PEMT: variants seen among roughly 807,000 people sequenced by gnomAD.
PEMT encodes phospholipid methyltransferase.
PEMT carries 23 observed loss-of-function variants against 27.4 expected under a neutral mutation model. The observed-to-expected ratio is 0.84, with a 90% CI of 0.60 to 1.19. The LOEUF (loss-of-function observed/expected upper bound fraction) is 1.19, where lower values mean the gene tolerates loss of function less well. PEMT is among the 50% of genes most tolerant of loss of function. The pLI, the probability that PEMT is intolerant of heterozygous loss-of-function variation, is 0.00. For synonymous variants in PEMT, 137 were observed against 139.1 expected (o/e 0.98, Z 0.11); for missense variants, 307 against 310.1 (o/e 0.99, Z 0.07).
At chr17:17,588,000 A>G (rs1459307171) in intron 1 of PEMT, among the ~76,000 whole-genome samples, 2 of 152,278 alleles carry the variant, frequency 1.3e-5, no homozygotes, top group Non-Finnish European at 2.9e-5. Context: ...AGGACCAGCC[A>G]GAGATCACCC....
intron 2 of PEMT, among the ~76,000 whole-genome samples, chr17:17,558,720 G>C (rs1000213085): frequency 1.3e-5 from 2 of 149,950 alleles, no homozygotes; most frequent in Non-Finnish European, 3.0e-5. Flanking sequence ...GGGCAGCAGA[G>C]TGGACCGGAG....
At chr17:17,577,968 G>C (rs1241038555) in intron 1 of PEMT, among the ~76,000 whole-genome samples, 3 of 145,178 alleles carry the variant, frequency 2.1e-5, no homozygotes, top group Non-Finnish European at 4.5e-5. Flanking sequence ...AGTGAGCAGA[G>C]ATCGCGCCAC....
At chr17:17,534,922 ATTTTATTTTATTTTTT>A (rs1908352667) in intron 2 of PEMT, among the ~76,000 whole-genome samples, 1 of 146,370 alleles carries the variant, frequency 6.8e-6, no homozygotes, top group South Asian at 2.1e-4. Flanking sequence ...ATTTTATTTT[ATTTTATTTTATTTTTT>A]GAGATGGAGT....
intron 2 of PEMT, among the ~76,000 whole-genome samples, chr17:17,546,073 T>C (rs553639005): frequency 1.3e-5 from 2 of 152,252 alleles, no homozygotes; most frequent in Admixed American, 6.5e-5. Context: ...TCTGTACCCA[T>C]CTTATGTCCT....
At chr17:17,575,747 C>T (rs1039910463) in intron 2 of PEMT, among the ~76,000 whole-genome samples, 8 of 152,216 alleles carry the variant, frequency 5.3e-5, no homozygotes, top group African/African-American at 1.4e-4. Flanking sequence ...GACCTCCCCT[C>T]GAAGCCCCTC....
chr17:17,515,982 G>A (rs1597876773), intron 3 of PEMT, among the ~76,000 whole-genome samples: 2 of 152,116 alleles, frequency 1.3e-5, no homozygotes, highest in South Asian at 2.1e-4. Flanking sequence ...CAGTGTCCCC[G>A]CCCTGTCCCC....
At chr17:17,592,142 TG>T, upstream of PEMT, 1 of 981,904 alleles carries the variant, frequency 1.0e-6, no homozygotes, top group Non-Finnish European at 1.2e-6. Context: ...CGCTTTACTC[TG>T]GGGGCGGTGC....
chr17:17,585,923 AAT>A (rs1271819665), intron 1 of PEMT, among the ~76,000 whole-genome samples: 1 of 151,616 alleles, frequency 6.6e-6, no homozygotes, highest in Non-Finnish European at 1.5e-5. Flanking sequence ...TCTACTAAAA[AAT>A]TAAAAAAATT....
chr17:17,548,087 C>T (rs1166652884), intron 2 of PEMT, among the ~76,000 whole-genome samples: 1 of 152,248 alleles, frequency 6.6e-6, no homozygotes, highest in Non-Finnish European at 1.5e-5. Context: ...TCCCGGGATA[C>T]CCATTAGGTT....
chr17:17,569,157 C>T (rs985091830), intron 2 of PEMT, among the ~76,000 whole-genome samples: 18 of 152,330 alleles, frequency 1.2e-4, no homozygotes, highest in African/African-American at 3.6e-4. Context: ...GCCAGAGGGA[C>T]AGGTCAGCGT....
intron 1 of PEMT, among the ~76,000 whole-genome samples, chr17:17,579,752 C>T (rs1597963567): frequency 6.6e-6 from 1 of 152,238 alleles, no homozygotes; most frequent in East Asian, 1.9e-4. Context: ...ACCAAAGGTG[C>T]ACTGCTACTG....
In PEMT at chr17:17,542,308, C is replaced by T. The variant is rs377271063; in HGVS notation, c.205-19913G>A. ...CCTTGTTCTTCTTTAAGGCAAACAC[C>T]GTGCCAAGCAACCTGGTTTGCCTGA... is the stretch of plus-strand genomic sequence containing the variant. On this transcript the variant is annotated intron_variant, in intron 2 of 6. Coordinates refer to ENST00000255389, the MANE Select transcript of PEMT (RefSeq NM_148172.3). 1.1e-4 allele frequency among the ~76,000 whole-genome samples: 16 copies of T among 152,352 alleles called. No individual in the cohort carries two copies. The South Asian group carries it at 2.9e-3, about 28-fold the overall frequency.
At chr17:17,564,376 C>CG (rs397856594) in intron 2 of PEMT, among the ~76,000 whole-genome samples, 6 of 151,972 alleles carry the variant, frequency 3.9e-5, no homozygotes, top group Non-Finnish European at 8.8e-5. Flanking sequence ...TTTCCAAGCC[C>CG]TCTTCCCCAT....
intron 1 of PEMT, chr17:17,578,611 TATAAA>T (rs1911776853): frequency 6.6e-6 from 1 of 152,156 alleles, no homozygotes; most frequent in Non-Finnish European, 1.5e-5. Flanking sequence ...AATACTAAAT[TATAAA>T]ATAAGTGTAA....
rs1256766458 is a variant in PEMT, at chr17:17,586,189, A to AGAAG, written c.96+5338_96+5341dup. Among the ~76,000 whole-genome samples the AGAAG allele has an allele frequency of 3.4e-5, 5 of 147,974 alleles. 2 individuals are homozygous for AGAAG. Among genetic ancestry groups the AGAAG allele is most frequent in the African/African-American group, 7.6e-5 (3 of 39,718 alleles). ...GAAAAAGAAAGAAAGAAAAAGAAAA[A>AGAAG]GAAGGAAGGAAAGAAAGAAAGAAAG... On this transcript the variant is annotated intron_variant, in intron 1 of 6. Coordinates refer to ENST00000255389, the MANE Select transcript of PEMT (RefSeq NM_148172.3).
At chr17:17,514,068 A>G (rs1361840987) in intron 3 of PEMT, among the ~76,000 whole-genome samples, 1 of 151,982 alleles carries the variant, frequency 6.6e-6, no homozygotes, top group Non-Finnish European at 1.5e-5. Context: ...CCATCCATCA[A>G]TGTATCCTCT....
intron 3 of PEMT, among the ~76,000 whole-genome samples, chr17:17,516,804 G>C (rs1304177183): frequency 6.6e-6 from 1 of 152,136 alleles, no homozygotes; most frequent in Non-Finnish European, 1.5e-5. Context: ...CTTGTGCCCA[G>C]GAAAGCCTAT....
chr17:17,530,827 G>A (rs9889584), intron 2 of PEMT, among the ~76,000 whole-genome samples: 20,136 of 152,004 alleles, frequency 0.13, 2,392 homozygotes, highest in African/African-American at 0.32. Flanking sequence ...CTTTTGAAGT[G>A]GAAATATTGG....
intron 2 of PEMT, among the ~76,000 whole-genome samples, chr17:17,557,385 C>T (rs1910133015): frequency 6.6e-6 from 1 of 152,190 alleles, no homozygotes; most frequent in Non-Finnish European, 1.5e-5. Context: ...CAAAATTACA[C>T]ATGGTAAACA....
Sources: allele counts gnomAD v4.1 joint callset (sites outside exome capture counted in the v4.1 genomes callset), GRCh38; gene constraint gnomAD v4.1.1; transcripts MANE v1.5; gene names NCBI Gene and HGNC (gene_info 2026-07-23, HGNC 2026-07-21).